The following EHMT1 variants were observed in gnomAD, a reference collection of about 807,000 sequenced individuals.
EHMT1 encodes histone-lysine N-methyltransferase EHMT1.
EHMT1 carries 15 observed loss-of-function variants against 147.2 expected under a neutral mutation model. That is an observed-to-expected ratio of 0.10 (90% confidence interval 0.07 to 0.16). The LOEUF is 0.16. Ranked by LOEUF, EHMT1 falls within the 10% of genes least tolerant of loss-of-function variation. The pLI is 1.00. For synonymous variants in EHMT1, 795 were observed against 709.6 expected (o/e 1.12, Z -1.91); for missense variants, 1,587 against 1,772.4 (o/e 0.90, Z 1.88).
intron 14 of EHMT1, among the ~76,000 whole-genome samples, chr9:137,780,661 TGTGTGGTGATGACGCCGAGAC>T (rs1951369383): frequency 1.6e-5 from 1 of 63,966 alleles, no homozygotes; most frequent in Non-Finnish European, 2.8e-5. Flanking sequence ...CTCACTGAGA[TGTGTGGTGATGACGCCGAGAC>T]GTGTGGTGAT....
At chr9:137,678,705 A>C in intron 1 of EHMT1, among the ~76,000 whole-genome samples, 1 of 144,848 alleles carries the variant, frequency 6.9e-6, no homozygotes, top group Non-Finnish European at 1.5e-5. Flanking sequence ...AAGTTATATG[A>C]ATGTCCCCCC....
At chr9:137,805,342 A>G (rs1441611320) in intron 18 of EHMT1, among the ~76,000 whole-genome samples, 1 of 151,888 alleles carries the variant, frequency 6.6e-6, no homozygotes, top group African/African-American at 2.4e-5. Flanking sequence ...TTGGTCATCC[A>G]TGTCAGTTGT....
At chr9:137,768,642 C>T (rs376083699) in intron 10 of EHMT1, among the ~76,000 whole-genome samples, 4,063 of 143,388 alleles carry the variant, frequency 0.028, 72 homozygotes, top group Middle Eastern at 0.061. Flanking sequence ...CTCCGCCTCC[C>T]GGGTTCACGC....
At chr9:137,713,671 T>TG (rs1287917227) in intron 2 of EHMT1, among the ~76,000 whole-genome samples, 2 of 151,994 alleles carry the variant, frequency 1.3e-5, no homozygotes, top group Admixed American at 1.3e-4. Flanking sequence ...AGTGATTGGC[T>TG]GGGCACACTG....
chr9:137,811,406 C>G, intron 18 of EHMT1, 55 bp from the exon 19 acceptor site: 1 of 1,608,026 alleles, frequency 6.2e-7, no homozygotes, highest in Non-Finnish European at 8.5e-7. Context: ...GGCCCAGCCC[C>G]AGCACTGTGA....
chr9:137,794,650 GAAAAAAA>G (rs11302977), intron 16 of EHMT1, among the ~76,000 whole-genome samples: 1 of 106,250 alleles, frequency 9.4e-6, no homozygotes, highest in South Asian at 2.9e-4. Flanking sequence ...CCATCTCTAA[GAAAAAAA>G]AAAAAAAAAA....
At chr9:137,726,083 T>C (rs1946595199) in intron 3 of EHMT1, among the ~76,000 whole-genome samples, 1 of 127,640 alleles carries the variant, frequency 7.8e-6, no homozygotes, top group Non-Finnish European at 1.6e-5. Flanking sequence ...TGCAGGTGCC[T>C]TGTCGTGTGT....
At chr9:137,705,956 C>G (rs1349525937) in intron 1 of EHMT1, among the ~76,000 whole-genome samples, 1 of 151,852 alleles carries the variant, frequency 6.6e-6, no homozygotes, top group African/African-American at 2.4e-5. Flanking sequence ...CCTGGACTTC[C>G]AAATTGCGAG....
chr9:137,671,623 C>T (rs1209277008), intron 1 of EHMT1, among the ~76,000 whole-genome samples: 1 of 149,270 alleles, frequency 6.7e-6, no homozygotes, highest in African/African-American at 2.5e-5. Context: ...CTCTCGGGCT[C>T]AAGCTATTCT....
rs963141491 is a variant in EHMT1, at chr9:137,804,088, A to G, written c.2712+3104A>G. Among the ~76,000 whole-genome samples the G allele has an allele frequency of 2.0e-5, 3 of 152,196 alleles. No individual in the cohort carries two copies. The East Asian group carries it at 5.8e-4, about 29-fold the overall frequency. ...ATGGTGGCAGGAGAGATTGAGGAGC[A>G]TTGTACCACACTTTAAAACCAGCTC... On this transcript the variant is annotated intron_variant, in intron 18 of 26. Coordinates refer to ENST00000460843, the MANE Select transcript of EHMT1 (RefSeq NM_024757.5).
chr9:137,800,787 TG>T, intron 17 of EHMT1, 92 bp from the exon 18 acceptor site: 1 of 1,071,030 alleles, frequency 9.3e-7, no homozygotes, highest in Non-Finnish European at 1.4e-6. Flanking sequence ...GCATGGTACC[TG>T]GGAGGTGCAG....
At chr9:137,745,488 A>T (rs959165703) in intron 6 of EHMT1, 2 of 398,490 alleles carry the variant, frequency 5.0e-6, no homozygotes, top group Non-Finnish European at 8.8e-6. Flanking sequence ...TGAGGAAGAA[A>T]ACACAGCATC....
At chr9:137,814,198 T>C in intron 21 of EHMT1, 1 of 617,006 alleles carries the variant, frequency 1.6e-6, no homozygotes, top group Non-Finnish European at 2.9e-6. Context: ...GTCGCTGCCC[T>C]GCCTGCCCCC....
chr9:137,752,197 C>T (rs1004002275), intron 6 of EHMT1, 134 bp from the exon 7 acceptor site: 1 of 1,098,288 alleles, frequency 9.1e-7, no homozygotes, highest in Non-Finnish European at 1.4e-6. Flanking sequence ...GGCGCCCCCG[C>T]CCCGCGAGCG....
Position 137,834,417 on chromosome 9 carries a change from C to T in EHMT1, c.3609C>T (p.Cys1203=), listed in dbSNP as rs776882461. ...GNVSRFINHH[C]EPNLVPVRVF... ...TCAGCCGGTTCATCAACCACCACTG[C>T]GAGCCCAACCTGGTGCCCGTGCGCG... The change falls in exon 26 of 27, where the codon TGC becomes TGT. Residue 1203 remains cysteine, a synonymous_variant. Coordinates refer to ENST00000460843, the MANE Select transcript of EHMT1 (RefSeq NM_024757.5). The T allele has an allele frequency of 1.5e-5, 25 of 1,613,222 alleles. No individual in the cohort carries two copies. The highest frequency in any genetic ancestry group is 2.2e-5 in the South Asian group (2 of 91,094).
At chr9:137,806,675 C>T (rs745402297) in intron 18 of EHMT1, among the ~76,000 whole-genome samples, 5 of 152,170 alleles carry the variant, frequency 3.3e-5, no homozygotes, top group Non-Finnish European at 4.4e-5. Context: ...CCTCATGATC[C>T]GCCCGCCTCG....
At chr9:137,703,589 T>C (rs956142016) in intron 1 of EHMT1, among the ~76,000 whole-genome samples, 1 of 152,186 alleles carries the variant, frequency 6.6e-6, no homozygotes, top group African/African-American at 2.4e-5. Context: ...CCTGTCTCTT[T>C]GCTAAAGCAT....
intron 4 of EHMT1, among the ~76,000 whole-genome samples, chr9:137,737,514 C>T (rs1947644527): frequency 6.6e-6 from 1 of 152,186 alleles, no homozygotes; most frequent in Non-Finnish European, 1.5e-5. Context: ...TAGCCTAAGA[C>T]AGGTCCAGGA....
intron 15 of EHMT1, chr9:137,784,145 T>TG (rs1951777041): frequency 6.5e-7 from 1 of 1,548,996 alleles, no homozygotes; most frequent in African/African-American, 1.4e-5. Flanking sequence ...GGGCTGCCTT[T>TG]GGTGACTTAT....
Sources: allele counts gnomAD v4.1 joint callset (sites outside exome capture counted in the v4.1 genomes callset), GRCh38; gene constraint gnomAD v4.1.1; transcripts MANE v1.5; gene names NCBI Gene and HGNC (gene_info 2026-07-23, HGNC 2026-07-21).